The following KL variants were observed in gnomAD, a reference collection of about 807,000 sequenced individuals.
KL encodes klotho.
KL carries 62 observed loss-of-function variants against 84.2 expected under a neutral mutation model. That is an observed-to-expected ratio of 0.74 (90% CI 0.60 to 0.91). The LOEUF is 0.91. KL is among the 40% of genes least tolerant of loss of function. The pLI is 0.00. For synonymous variants in KL, 528 were observed against 528.0 expected (o/e 1.00, Z 0.00); for missense variants, 1,261 against 1,305.7 (o/e 0.97, Z 0.53).
At chr13:33,028,448 C>T (rs1870857269) in intron 1 of KL, among the ~76,000 whole-genome samples, 1 of 152,156 alleles carries the variant, frequency 6.6e-6, no homozygotes, top group African/African-American at 2.4e-5. Context: ...GTAACCGCCA[C>T]ATAACATGAG....
intron 1 of KL, among the ~76,000 whole-genome samples, chr13:33,033,529 T>A (rs191754141): frequency 7.8e-6 from 1 of 127,662 alleles, no homozygotes; most frequent in East Asian, 2.0e-4. Context: ...TGGGGCATTA[T>A]TTTTTTTTAC....
rs911447021 is a variant in KL, at chr13:33,016,476, G to A, written c.36G>A (p.Pro12=). The change falls in exon 1 of 5, where the codon CCG becomes CCA. Residue 12 remains proline (P), a synonymous_variant. Coordinates refer to ENST00000380099, the MANE Select transcript of KL (RefSeq NM_004795.4). ...GCGCCCCGCCGCGCCGCCCGCGGCC[G>A]CCGCCGCCGTCGCTGTCGCTGCTGC... is the stretch of plus-strand genomic sequence containing the variant. ...PASAPPRRPR[P]PPPSLSLLLV... 6 of 1,093,280 alleles carry A rather than the reference G, an allele frequency of 5.5e-6. No homozygotes were observed. The African/African-American group carries it at 8.4e-5, about 15-fold the overall frequency. 67.7% of individuals were successfully genotyped at this position (1,093,280 alleles called of 1,614,324 possible). A position where few individuals can be genotyped will look rare whatever the true frequency, so the allele number is the denominator to read the frequency against.
At chr13:33,042,619 C>T (rs1221541621) in intron 1 of KL, among the ~76,000 whole-genome samples, 4 of 152,192 alleles carry the variant, frequency 2.6e-5, no homozygotes, top group African/African-American at 9.7e-5. Context: ...TTTATACATT[C>T]TCCTGTGAAT....
intron 1 of KL, among the ~76,000 whole-genome samples, chr13:33,039,493 T>C (rs1308794035): frequency 6.6e-6 from 1 of 152,176 alleles, no homozygotes; most frequent in African/African-American, 2.4e-5. Flanking sequence ...GGAAGAACTA[T>C]GAAGAAGCAT....
At chr13:33,046,577 T>C (rs1165608049) in intron 1 of KL, among the ~76,000 whole-genome samples, 1 of 152,148 alleles carries the variant, frequency 6.6e-6, no homozygotes, top group Non-Finnish European at 1.5e-5. Flanking sequence ...TTGTTGATTT[T>C]TTTCAAAGAA....
chr13:33,027,023 T>C (rs1870803723), intron 1 of KL, among the ~76,000 whole-genome samples: 1 of 152,064 alleles, frequency 6.6e-6, no homozygotes, highest in Non-Finnish European at 1.5e-5. Context: ...CTTTACCGCG[T>C]CTCCTGGGGT....
chr13:33,041,391 CA>C (rs1441492983), intron 1 of KL, among the ~76,000 whole-genome samples: 1 of 138,454 alleles, frequency 7.2e-6, no homozygotes, highest in Non-Finnish European at 1.6e-5. Context: ...CAGTTTTTGC[CA>C]TTACTTTTTA....
At chr13:33,058,806 A>C (rs1405453153) in intron 3 of KL, among the ~76,000 whole-genome samples, 2 of 152,188 alleles carry the variant, frequency 1.3e-5, no homozygotes, top group Non-Finnish European at 2.9e-5. Context: ...ATAATCCAAA[A>C]AATTCCTTCA....
chr13:33,061,013 A>G lies in KL; in HGVS notation c.1934A>G (p.Gln645Arg). Residue 645 changes from glutamine (Q) to arginine (R), a missense_variant, in exon 4 of 5, where the codon CAA (glutamine) becomes CGA (arginine). By Grantham distance (43) the Gln-to-Arg change is conservative (BLOSUM62 1). Transcript: ENST00000380099. Reference protein sequence around the residue: ...VALWQPMAPNQGLPRLLARQG... With the variant: ...VALWQPMAPNRGLPRLLARQG... ...CTGTGGCAGCCTATGGCCCCGAACCAAGGACTGCCGCGCCTCCTGGCCAGG... is the reference window on the plus strand; with the variant it reads ...CTGTGGCAGCCTATGGCCCCGAACCGAGGACTGCCGCGCCTCCTGGCCAGG... The G allele has an allele frequency of 6.2e-7, 1 of 1,612,802 alleles. No individual in the cohort carries two copies. The highest frequency in any genetic ancestry group is 8.5e-7 in the Non-Finnish European group (1 of 1,179,090).
At chr13:33,040,593 A>G (rs965093365) in intron 1 of KL, among the ~76,000 whole-genome samples, 1 of 152,200 alleles carries the variant, frequency 6.6e-6, no homozygotes, top group South Asian at 2.1e-4. Flanking sequence ...GTCTCAGTCC[A>G]TTTAATTAAG....
rs151258919 is a variant in KL at position 33,065,120 on chromosome 13, T to A, written c.*934T>A. 59 of 226,114 alleles carry A rather than the reference T, an allele frequency of 2.6e-4. No homozygotes were observed. Among genetic ancestry groups the A allele is most frequent in the African/African-American group, 1.2e-3 (52 of 45,044 alleles). The allele number at this position is 226,114 out of a possible 1,614,324, so 14.0% of individuals were successfully genotyped here. A position where few individuals can be genotyped will look rare whatever the true frequency, so the allele number is the denominator to read the frequency against. On this transcript the variant is annotated 3_prime_UTR_variant, in exon 5 of 5. Coordinates refer to ENST00000380099, the MANE Select transcript of KL (RefSeq NM_004795.4). ...AATGACATGACCTTTCCCTAGAGAA[T>A]AAGGATGAAATAATCACTCATTCTA...
chr13:33,054,934 C>A, intron 2 of KL, 113 bp from the exon 3 acceptor site: 2 of 1,344,458 alleles, frequency 1.5e-6, no homozygotes, highest in Non-Finnish European at 2.1e-6. Flanking sequence ...GCTTACCAAA[C>A]GAGAAGCATT....
At chr13:33,048,314 G>T (rs2516575) in intron 1 of KL, among the ~76,000 whole-genome samples, 100,644 of 151,518 alleles carry the variant, frequency 0.66, 33,873 homozygotes, top group Admixed American at 0.76. Context: ...TGTGGCTTTA[G>T]TCTTTGTTAG....
rs1210328652 is a variant in KL at position 33,061,112 on chromosome 13, G to T, written c.2033G>T (p.Gly678Val). ...EYARLCFQEL[G>V]HHVKLWITMN... ...GCCCGACTGTGCTTTCAAGAGCTCG[G>T]CCATCACGTCAAGCTTTGGATAACG... Residue 678 changes from glycine (G) to valine (V), a missense_variant, in exon 4 of 5, where the codon GGC becomes GTC. Coordinates refer to ENST00000380099, the MANE Select transcript of KL (RefSeq NM_004795.4). The T allele has an allele frequency of 6.2e-7, 1 of 1,614,012 alleles. No individual in the cohort carries two copies. The highest frequency in any genetic ancestry group is 8.5e-7 in the Non-Finnish European group (1 of 1,179,920).
intron 1 of KL, among the ~76,000 whole-genome samples, chr13:33,017,647 C>T (rs1036328011): frequency 2.0e-5 from 3 of 152,186 alleles, no homozygotes; most frequent in Non-Finnish European, 2.9e-5. Flanking sequence ...TCTTAAGCCG[C>T]ACAGATAGCA....
At position 33,055,031 on chromosome 13, in the gene KL, C is replaced by T. The variant is rs987516871; in HGVS notation, c.1331-16C>T. The T allele has an allele frequency of 4.3e-6, 7 of 1,613,958 alleles. No homozygotes were observed. In the African/African-American group the frequency reaches 6.7e-5, roughly 15 times the overall value. On this transcript the variant is annotated splice_polypyrimidine_tract_variant and intron_variant, in intron 2 of 4. Coordinates refer to ENST00000380099, the MANE Select transcript of KL (RefSeq NM_004795.4). Reference sequence around the variant, plus strand: ...GCGAAGGGTCATGTTGCTCTTGTCCCCTCTTCCCTTTGCAGCCATCAAGCT... The same window carrying T: ...GCGAAGGGTCATGTTGCTCTTGTCCTCTCTTCCCTTTGCAGCCATCAAGCT...
intron 1 of KL, among the ~76,000 whole-genome samples, chr13:33,051,282 T>A (rs1258916112): frequency 6.6e-6 from 1 of 152,032 alleles, no homozygotes; most frequent in Non-Finnish European, 1.5e-5. Context: ...GCCTGTAATC[T>A]CAGCACTTTG....
intron 1 of KL, among the ~76,000 whole-genome samples, chr13:33,050,723 T>A (rs1871710860): frequency 6.6e-6 from 1 of 152,142 alleles, no homozygotes; most frequent in Non-Finnish European, 1.5e-5. Flanking sequence ...ATCAAATAAG[T>A]TTCAACAGGG....
intron 1 of KL, among the ~76,000 whole-genome samples, chr13:33,045,269 A>G (rs978663941): frequency 1.3e-5 from 2 of 152,158 alleles, no homozygotes; most frequent in Non-Finnish European, 2.9e-5. Flanking sequence ...AGGATTTTCC[A>G]TATGTAGAAT....
Sources: gnomAD v4.1 joint callset for allele counts (sites outside exome capture counted in the v4.1 genomes callset) on GRCh38, gnomAD v4.1.1 for gene constraint, MANE v1.5 for transcripts, NCBI Gene and HGNC (gene_info 2026-07-23, HGNC 2026-07-21) for gene names.